KRT15: variants seen among roughly 807,000 people sequenced by gnomAD.
KRT15 encodes the protein keratin, type I cytoskeletal 15.
Under a neutral mutation model 46.6 loss-of-function variants are expected in KRT15, and 45 were observed. That is an observed-to-expected ratio of 0.97 (90% CI 0.76 to 1.24). The LOEUF (loss-of-function observed/expected upper bound fraction) is 1.24. KRT15 is among the 50% of genes most tolerant of loss of function. The pLI is 0.00. For synonymous variants in KRT15, 221 were observed against 233.8 expected (o/e 0.95, Z 0.50); for missense variants, 592 against 588.9 (o/e 1.01, Z -0.05).
At chr17:41,515,806 A>G in intron 5 of KRT15, 79 bp downstream of exon 5, 1 of 1,608,838 alleles carries the variant, frequency 6.2e-7, no homozygotes, top group African/African-American at 1.3e-5. Context: ...GGGGCTTGAG[A>G]ACTCCAAGGC....
Position 41,516,147 on chromosome 17 carries a change from G to A in KRT15, c.857C>T (p.Ala286Val), listed in dbSNP as rs145001788. The A allele has an allele frequency of 9.0e-5, 146 of 1,614,138 alleles. No individual in the cohort carries two copies. Among genetic ancestry groups the A allele is most frequent in the African/African-American group, 4.0e-5 (3 of 75,024 alleles). Residue 286 changes from alanine to valine, a missense_variant, in exon 4 of 8, where the codon GCG (alanine) becomes GTG (valine). Coordinates refer to ENST00000254043, the MANE Select transcript of KRT15 (RefSeq NM_002275.4). Reference protein sequence around the residue: ...AEMREQYEAMAEKNRRDVEAW... With the variant: ...AEMREQYEAMVEKNRRDVEAW... ...CTCGACATCCCGGCGGTTCTTCTCC[G>A]CCATGGCCTCGTACTGCTCCCTCAT... is the stretch of plus-strand genomic sequence containing the variant.
At chr17:41,515,151 G>C in intron 6 of KRT15, 1 of 380,070 alleles carries the variant, frequency 2.6e-6, no homozygotes, top group Non-Finnish European at 4.9e-6. Context: ...ACAGGCATGA[G>C]CCACTGAGCT....
intron 1 of KRT15, 46 bp from the exon 2 acceptor site, chr17:41,517,211 T>G: frequency 6.6e-7 from 1 of 1,506,654 alleles, no homozygotes; most frequent in Non-Finnish European, 9.2e-7. Context: ...CTCTCTCCCC[T>G]GCTGCTCTCT....
In KRT15 at chr17:41,518,856, C is replaced by G. The variant is rs1176887240; in HGVS notation, c.-29G>C. 1 of 1,525,938 alleles carries G rather than the reference C, an allele frequency of 6.6e-7. No individual in the cohort carries two copies. The highest frequency in any genetic ancestry group is 1.4e-5 in the African/African-American group (1 of 71,834). The allele number at this position is 1,525,938 out of a possible 1,614,324, so 94.5% of individuals were successfully genotyped here. Reference sequence around the variant, plus strand: ...CAGGTAGCTGGAGCCCGTGAGTTCTCAGCAAACCCAAGAGATGCTGGCAGG... The same window carrying G: ...CAGGTAGCTGGAGCCCGTGAGTTCTGAGCAAACCCAAGAGATGCTGGCAGG... On this transcript the variant is annotated 5_prime_UTR_variant, in exon 1 of 8. Coordinates refer to ENST00000254043, the MANE Select transcript of KRT15 (RefSeq NM_002275.4).
chr17:41,515,509 C>T lies in KRT15; in HGVS notation c.1210G>A (p.Ala404Thr), dbSNP rs758071880. 51 of 1,613,836 alleles carry T rather than the reference C, an allele frequency of 3.2e-5. No individual in the cohort carries two copies. Among genetic ancestry groups the T allele is most frequent in the Non-Finnish European group, 4.0e-5 (47 of 1,180,036 alleles). ...DIKTRLEQEI[A>T]TYRSLLEGQD... ...CCCTCGAGCAGGCTGCGGTAAGTAGCGATCTCCTGCTCCAGCCGTGTCTTT... is the reference window on the plus strand; with the variant it reads ...CCCTCGAGCAGGCTGCGGTAAGTAGTGATCTCCTGCTCCAGCCGTGTCTTT... The change falls in exon 6 of 8, where the codon GCT becomes ACT. Residue 404 changes from alanine (A) to threonine (T), a missense_variant. Ala to Thr is a moderately conservative substitution (Grantham distance 58). Transcript: ENST00000254043.
intron 7 of KRT15, 37 bp from the exon 8 acceptor site, chr17:41,514,157 C>G (rs552958702): frequency 6.6e-7 from 1 of 1,514,350 alleles, no homozygotes; most frequent in African/African-American, 1.4e-5. Flanking sequence ...AGTGGGGGAA[C>G]CTCCCCGCTC....
chr17:41,517,272 T>A (rs1905432341), intron 1 of KRT15, 107 bp from the exon 2 acceptor site: 1 of 948,138 alleles, frequency 1.1e-6, no homozygotes, highest in Non-Finnish European at 1.6e-6. Context: ...TCACTGACAA[T>A]CACCCCTCTG....
At chr17:41,518,215 ACAGT>A (rs1905486243) in intron 1 of KRT15, 111 bp downstream of exon 1, 1 of 1,229,990 alleles carries the variant, frequency 8.1e-7, no homozygotes, top group Non-Finnish European at 1.1e-6. Context: ...TACATACCAG[ACAGT>A]CATTGCCTGG....
chr17:41,517,326 T>C, intron 1 of KRT15, 161 bp from the exon 2 acceptor site: 2 of 631,802 alleles, frequency 3.2e-6, no homozygotes, highest in Admixed American at 2.8e-5. Context: ...GTGGGCAAAG[T>C]CCAGCCTCAC....
At chr17:41,516,719 C>T in intron 3 of KRT15, 89 bp downstream of exon 3, 1 of 1,492,542 alleles carries the variant, frequency 6.7e-7, no homozygotes, top group Non-Finnish European at 9.2e-7. Flanking sequence ...CCTGGAGCCA[C>T]TGTCTTTCCC....
In KRT15 at chr17:41,518,603, A is replaced by C. The variant is rs141025962; in HGVS notation, c.225T>G (p.Ser75Arg). The change falls in exon 1 of 8, where the codon AGT (serine) becomes AGG (arginine). Residue 75 changes from serine (S) to arginine (R), a missense_variant. Physicochemically the swap from Ser to Arg is moderately radical, Grantham distance 110. Transcript: ENST00000254043. ...CCCCTCCAAAGCCTCCACCGAAAAC[A>C]CTACCAGCCCCTCCACCAAAGCCAC... The part of the protein sequence containing the change: ...RVCGFGGGAG[S>R]VFGGGFGGGV... The C allele has an allele frequency of 2.0e-4, 329 of 1,610,818 alleles. 1 individual carries two copies. The African/African-American group carries it at 3.4e-3, about 16-fold the overall frequency.
At chr17:41,516,381 A>T in intron 3 of KRT15, 116 bp from the exon 4 acceptor site, 1 of 1,117,178 alleles carries the variant, frequency 9.0e-7, no homozygotes, top group Non-Finnish European at 1.3e-6. Context: ...GCTGTTCCCC[A>T]TTGCACATGA....
Position 41,516,944 on chromosome 17 carries a change from A to G in KRT15, c.602T>C (p.Leu201Pro). 1 of 1,614,228 alleles carries G rather than the reference A, an allele frequency of 6.2e-7. No individual in the cohort carries two copies. Among genetic ancestry groups the G allele is most frequent in the Non-Finnish European group, 8.5e-7 (1 of 1,180,028 alleles). ...GATGTCAGCCTCAACGCCCTGGCGC[A>G]GGGCCAGCTCATTCTCATACCTGAG... ...FRLKYENELA[L>P]RQGVEADING... Residue 201 changes from leucine to proline, a missense_variant, in exon 3 of 8, where the codon CTG (leucine) becomes CCG (proline). Leu to Pro is a moderately conservative substitution (Grantham distance 98). Coordinates refer to ENST00000254043, the MANE Select transcript of KRT15 (RefSeq NM_002275.4).
rs375136118 is a variant in KRT15 at position 41,515,877 on chromosome 17, G to A, written c.1026+8C>T. ...CGAGAGGCTGGGATGGGGCGCGAGT[G>A]GCCGTACCATGCTGAGCTGGGACTG... On this transcript the variant is annotated splice_region_variant and intron_variant, in intron 5 of 7. Coordinates refer to ENST00000254043, the MANE Select transcript of KRT15 (RefSeq NM_002275.4). 10 of 1,613,794 alleles carry A rather than the reference G, an allele frequency of 6.2e-6. No homozygotes were observed. In the African/African-American group the frequency reaches 1.2e-4, roughly 19 times the overall value.
In KRT15 at chr17:41,515,482, G is replaced by T; in HGVS notation, c.1237C>A (p.Gln413Lys). 1 of 1,613,376 alleles carries T rather than the reference G, an allele frequency of 6.2e-7. No homozygotes were observed. The highest frequency in any genetic ancestry group is 2.2e-5 in the East Asian group (1 of 44,854). The change falls in exon 6 of 8, where the codon CAG becomes AAG. Residue 413 changes from glutamine (Q) to lysine (K), a missense_variant. By Grantham distance (53) the Gln-to-Lys change is moderately conservative (BLOSUM62 1). Coordinates refer to ENST00000254043, the MANE Select transcript of KRT15 (RefSeq NM_002275.4). ...TGCCCAGGCGCCTACTTGGCATCCTGGCCCTCGAGCAGGCTGCGGTAAGTA... is the reference window on the plus strand; with the variant it reads ...TGCCCAGGCGCCTACTTGGCATCCTTGCCCTCGAGCAGGCTGCGGTAAGTA... ...IATYRSLLEG[Q>K]DAKMAGIAIR...
chr17:41,514,629 G>A lies in KRT15; in HGVS notation c.1273+20C>T, dbSNP rs1476253695. On this transcript the variant is annotated intron_variant, in intron 7 of 7. Transcript: ENST00000254043. ...CATCTCCCCTCCCCACCCCACACCA[G>A]AAGAGTAAAGCCTTCCTACCTTCCC... 6.2e-7 allele frequency: 1 copy of A among 1,612,374 alleles called. No homozygotes were observed. Among genetic ancestry groups the A allele is most frequent in the Non-Finnish European group, 8.5e-7 (1 of 1,178,658 alleles).
Position 41,514,013 on chromosome 17 carries a change from C to A in KRT15, c.*10G>T. On this transcript the variant is annotated 3_prime_UTR_variant, in exon 8 of 8. Coordinates refer to ENST00000254043, the MANE Select transcript of KRT15 (RefSeq NM_002275.4). ...GGAGTGGCAAGGGACGTTTCTCCTG[C>A]AATAGACACTTAGATTTCTCTCTTG... The A allele has an allele frequency of 1.0e-5, 16 of 1,599,870 alleles. No individual in the cohort carries two copies. The highest frequency in any genetic ancestry group is 3.3e-5 in the South Asian group (3 of 90,762).
At chr17:41,516,781 T>A in intron 3 of KRT15, 27 bp downstream of exon 3, 1 of 1,613,300 alleles carries the variant, frequency 6.2e-7, no homozygotes, top group Non-Finnish European at 8.5e-7. Flanking sequence ...TCTCTCGGGT[T>A]CAGGGGTGAT....
chr17:41,514,309 G>T, intron 7 of KRT15, 189 bp from the exon 8 acceptor site: 1 of 610,410 alleles, frequency 1.6e-6, no homozygotes. Context: ...GCAATGGCAG[G>T]TATGCCCGGC....
Sources: allele counts gnomAD v4.1 joint callset, GRCh38; gene constraint gnomAD v4.1.1; transcripts MANE v1.5; gene names NCBI Gene and HGNC (gene_info 2026-07-23, HGNC 2026-07-21).